MSI2: variants seen among roughly 807,000 people sequenced by gnomAD.
MSI2 encodes the protein RNA-binding protein Musashi homolog 2.
MSI2 carries 17 observed loss-of-function variants against 45.6 expected under a neutral mutation model. The ratio of observed to expected loss-of-function variants is 0.37; its 90% confidence interval spans 0.26 to 0.56. MSI2 has a LOEUF of 0.56. MSI2 is among the 20% of genes least tolerant of loss of function. The pLI is 0.77. For missense variants in MSI2, 293 were observed against 444.2 expected, an observed-to-expected ratio of 0.66 and a Z score of 3.06; for synonymous variants, 156 against 158.2, an observed-to-expected ratio of 0.99 and a Z score of 0.11.
At chr17:57,305,561 C>T (rs893153265) in intron 5 of MSI2, among the ~76,000 whole-genome samples, 7 of 152,234 alleles carry the variant, frequency 4.6e-5, no homozygotes, top group Middle Eastern at 3.4e-3. Context: ...TTACTGCTGA[C>T]GAGGTTTTAG....
At chr17:57,355,531 C>T (rs571357780) in intron 5 of MSI2, among the ~76,000 whole-genome samples, 3 of 152,182 alleles carry the variant, frequency 2.0e-5, no homozygotes, top group Admixed American at 6.5e-5. Flanking sequence ...GTTAGGGATG[C>T]GTGCCAAAAC....
In MSI2 at chr17:57,261,498, A is replaced by T. The variant is rs1014967136; in HGVS notation, c.271-653A>T. ...TGCTTCATTTTCTTTACTTCAAAAA[A>T]TTATTTTTTATCTTTTGAGGTATAG... is the stretch of plus-strand genomic sequence containing the variant. On this transcript the variant is annotated intron_variant, in intron 4 of 13. Transcript: ENST00000284073. Among the ~76,000 whole-genome samples the T allele has an allele frequency of 3.9e-5, 6 of 152,116 alleles. No individual in the cohort carries two copies. The South Asian group carries it at 1.0e-3, about 26-fold the overall frequency.
intron 6 of MSI2, among the ~76,000 whole-genome samples, chr17:57,436,378 G>A (rs2084690729): frequency 6.6e-6 from 1 of 152,228 alleles, no homozygotes; most frequent in Non-Finnish European, 1.5e-5. Flanking sequence ...AATAGACTGG[G>A]ACTGGGAACA....
chr17:57,367,947 G>A (rs1917323005), intron 5 of MSI2, among the ~76,000 whole-genome samples: 1 of 152,042 alleles, frequency 6.6e-6, no homozygotes, highest in Non-Finnish European at 1.5e-5. Flanking sequence ...GTTTTGTAGG[G>A]TTCCTGGGTC....
rs1025226176 is a variant in MSI2, at chr17:57,552,299, C to A, written c.454+22575C>A. ...ATGTTCACTGGTCTGTAATTCCTGA[C>A]TCCCTTCCTGAGAGAGTCCTGGGAA... On this transcript the variant is annotated intron_variant, in intron 7 of 13. Transcript: ENST00000284073. This position sits in a 1 kb window ranked among gnomAD's most constrained non-coding sequence, Gnocchi z 4.3. Among the ~76,000 whole-genome samples the A allele has an allele frequency of 2.0e-5, 3 of 152,218 alleles. No homozygotes were observed. Among genetic ancestry groups the A allele is most frequent in the Admixed American group, 1.3e-4 (2 of 15,290 alleles).
intron 5 of MSI2, chr17:57,286,016 A>G: frequency 6.6e-7 from 1 of 1,526,342 alleles, no homozygotes; most frequent in Non-Finnish European, 8.7e-7. Context: ...GATGAGGGTA[A>G]GAAAAAGTTC....
chr17:57,379,344 A>T (rs1213329622), intron 5 of MSI2, among the ~76,000 whole-genome samples: 4 of 146,756 alleles, frequency 2.7e-5, no homozygotes, highest in African/African-American at 9.9e-5. Flanking sequence ...GCTGGGGGAG[A>T]TGTGGTCTCT....
chr17:57,356,033 C>T (rs1282990914), intron 5 of MSI2, among the ~76,000 whole-genome samples: 1 of 152,008 alleles, frequency 6.6e-6, no homozygotes, highest in Non-Finnish European at 1.5e-5. Flanking sequence ...ACCCCCACGC[C>T]CAGCTAATTT....
At chr17:57,618,535 C>G (rs946568244) in intron 9 of MSI2, 5 of 152,356 alleles carry the variant, frequency 3.3e-5, no homozygotes, top group African/African-American at 1.2e-4. Flanking sequence ...AATGGTAAGA[C>G]CCTGTCTCTC....
intron 5 of MSI2, among the ~76,000 whole-genome samples, chr17:57,319,675 C>T (rs1006604554): frequency 5.9e-5 from 9 of 152,126 alleles, no homozygotes; most frequent in African/African-American, 1.7e-4. Flanking sequence ...TGCAGAGACA[C>T]GATCATGGCT....
chr17:57,436,228 A>T (rs1310348530), intron 6 of MSI2, among the ~76,000 whole-genome samples: 1 of 152,202 alleles, frequency 6.6e-6, no homozygotes, highest in East Asian at 1.9e-4. Context: ...GTCTCTCAAT[A>T]TGTTGATCTG....
chr17:57,539,334 A>T (rs529238282), intron 7 of MSI2, among the ~76,000 whole-genome samples: 14 of 152,066 alleles, frequency 9.2e-5, no homozygotes, highest in Non-Finnish European at 1.2e-4. Flanking sequence ...AGCTTTTAAA[A>T]TTTATTCCAA....
chr17:57,334,054 C>G (rs1176189440), intron 5 of MSI2, among the ~76,000 whole-genome samples: 1 of 152,164 alleles, frequency 6.6e-6, no homozygotes. Flanking sequence ...TGGTTTCTGT[C>G]TCCTCCTGTC....
In MSI2 at chr17:57,682,127, T is replaced by G. The variant is rs563823513; in HGVS notation, c.*2610T>G. 2.8e-3 allele frequency: 545 copies of G among 196,898 alleles called. 2 individuals are homozygous for G. Among genetic ancestry groups the G allele is most frequent in the Non-Finnish European group, 4.3e-3 (407 of 95,042 alleles). 12.2% of individuals were successfully genotyped at this position (196,898 alleles called of 1,614,324 possible). Reference sequence around the variant, plus strand: ...AAAAATTAGACATAGTTATTCAGATTTAGGACCAGTAAGGATAGAACTTTC... The same window carrying G: ...AAAAATTAGACATAGTTATTCAGATGTAGGACCAGTAAGGATAGAACTTTC... On this transcript the variant is annotated 3_prime_UTR_variant, in exon 14 of 14. Transcript: ENST00000284073.
At chr17:57,341,699 G>GT (rs1915177966) in intron 5 of MSI2, among the ~76,000 whole-genome samples, 1 of 152,168 alleles carries the variant, frequency 6.6e-6, no homozygotes, top group Non-Finnish European at 1.5e-5. Flanking sequence ...ACCTTAGTGT[G>GT]TTTTTTCTTT....
intron 12 of MSI2, among the ~76,000 whole-genome samples, chr17:57,675,848 C>G (rs1430234737): frequency 6.6e-6 from 1 of 152,216 alleles, no homozygotes; most frequent in Non-Finnish European, 1.5e-5. Context: ...TCTGACTAAT[C>G]CAGGCAATGG....
In MSI2 at chr17:57,350,227, T is replaced by G. The variant is rs543119028; in HGVS notation, c.313-51152T>G. ...TTGTTAACAGTGCCAGAGGTAGGGGTGTGTGTGTGTGTGTGTGTGTGTGTG... is the reference window on the plus strand; with the variant it reads ...TTGTTAACAGTGCCAGAGGTAGGGGGGTGTGTGTGTGTGTGTGTGTGTGTG... On this transcript the variant is annotated intron_variant, in intron 5 of 13. Transcript: ENST00000284073. 6.1e-4 allele frequency among the ~76,000 whole-genome samples: 89 copies of G among 145,512 alleles called. 1 individual carries two copies. Among genetic ancestry groups the G allele is most frequent in the South Asian group, 1.3e-3 (6 of 4,536 alleles).
the MSI2 span, among the ~76,000 whole-genome samples, chr17:57,691,656 C>T: frequency 6.6e-6 from 1 of 152,136 alleles, no homozygotes; most frequent in Non-Finnish European, 1.5e-5. Context: ...GTTCATTGCT[C>T]ATGTATAGAA....
At chr17:57,423,797 TC>T (rs1267125647) in intron 6 of MSI2, among the ~76,000 whole-genome samples, 2 of 152,154 alleles carry the variant, frequency 1.3e-5, no homozygotes, top group East Asian at 3.8e-4. Context: ...ATGAGTTCTT[TC>T]TTTGCGAAGC....
Sources: allele counts gnomAD v4.1 joint callset (sites outside exome capture counted in the v4.1 genomes callset), GRCh38; gene constraint gnomAD v4.1.1; non-coding constraint Gnocchi (gnomAD v3.1); transcripts MANE v1.5; gene names NCBI Gene and HGNC (gene_info 2026-07-23, HGNC 2026-07-21).